The following SIK3 variants were observed in gnomAD, a reference collection of about 807,000 sequenced individuals.
The protein encoded by SIK3 is SIK family kinase 3.
SIK3 carries 28 observed loss-of-function variants against 144.2 expected under a neutral mutation model. The ratio of observed to expected loss-of-function variants is 0.19; its 90% CI spans 0.14 to 0.27. SIK3 has a LOEUF of 0.27. SIK3 is among the 10% of genes least tolerant of loss of function. The pLI is 1.00. For missense variants in SIK3, 1,319 were observed against 1,776.0 expected, an observed-to-expected ratio of 0.74 and a Z score of 4.62; for synonymous variants, 686 against 676.3, an observed-to-expected ratio of 1.01 and a Z score of -0.22.
intron 13 of SIK3, among the ~76,000 whole-genome samples, chr11:116,872,197 G>A (rs1211120566): frequency 6.6e-6 from 1 of 152,202 alleles, no homozygotes; most frequent in African/African-American, 2.4e-5. Flanking sequence ...GAAGTCAACA[G>A]TGATTAATAC....
rs1591399762 is a variant in SIK3 at position 116,861,893 on chromosome 11, G to A, written c.2263C>T (p.Leu755Phe). Reference protein sequence around the residue: ...SICPPQPSPPLQAACENQPAL... With the variant: ...SICPPQPSPPFQAACENQPAL... ...GGCTGATTTTCACATGCAGCCTGAA[G>A]AGGTGGAGATGGCTGAGGAGGACAG... Residue 755 changes from leucine (L) to phenylalanine (F), a missense_variant, in exon 18 of 25, where the codon CTT becomes TTT. Leu to Phe is a conservative substitution (Grantham distance 22). Around this residue, in one of 8 missense-constraint regions of SIK3, gnomAD observed 77 missense variants for 141.9 expected, o/e 0.54. Coordinates refer to ENST00000445177, the MANE Select transcript of SIK3 (RefSeq NM_001366686.3). 1 of 1,612,132 alleles carries A rather than the reference G, an allele frequency of 6.2e-7. No homozygotes were observed. Among genetic ancestry groups the A allele is most frequent in the East Asian group, 2.2e-5 (1 of 44,868 alleles).
At chr11:116,930,765 C>A (rs1320616968) in intron 3 of SIK3, among the ~76,000 whole-genome samples, 4 of 151,946 alleles carry the variant, frequency 2.6e-5, no homozygotes, top group Non-Finnish European at 5.9e-5. Flanking sequence ...TAGAGTCCTG[C>A]CCCCTCCCCA....
At chr11:117,071,035 C>A (rs1954256446) in intron 1 of SIK3, among the ~76,000 whole-genome samples, 1 of 151,870 alleles carries the variant, frequency 6.6e-6, no homozygotes, top group Admixed American at 6.6e-5. Context: ...AGCCCAATAC[C>A]ATTTCAAAAA....
intron 4 of SIK3, among the ~76,000 whole-genome samples, chr11:116,920,390 TG>T (rs1253709828): frequency 6.6e-6 from 1 of 152,176 alleles, no homozygotes; most frequent in Non-Finnish European, 1.5e-5. Context: ...CTCAGGCCTT[TG>T]CATTGTTCTT....
intron 13 of SIK3, among the ~76,000 whole-genome samples, chr11:116,870,796 G>A (rs1036155196): frequency 6.6e-6 from 1 of 152,174 alleles, no homozygotes; most frequent in African/African-American, 2.4e-5. Flanking sequence ...ATTAAGGAAG[G>A]CATCCTGGAG....
intron 1 of SIK3, among the ~76,000 whole-genome samples, chr11:116,982,961 AAAAAAAAAT>A (rs1243033103): frequency 1.3e-4 from 20 of 150,638 alleles, no homozygotes; most frequent in Non-Finnish European, 2.4e-4. Context: ...AAAAAAAAAA[AAAAAAAAAT>A]TTCTGACCCG....
chr11:116,867,435 G>C lies in SIK3; in HGVS notation c.1952+511C>G, dbSNP rs895865682. Reference sequence around the variant, plus strand: ...AAAAGATTTTTGCCATCAGAATATTGAAAGAATGACCTCTTAAATACATCG... The same window carrying C: ...AAAAGATTTTTGCCATCAGAATATTCAAAGAATGACCTCTTAAATACATCG... On this transcript the variant is annotated intron_variant, in intron 15 of 24. Transcript: ENST00000445177. The surrounding 1 kb of genome is among the most constrained non-coding windows in gnomAD (Gnocchi z 4.1). 3.3e-5 allele frequency among the ~76,000 whole-genome samples: 5 copies of C among 152,152 alleles called. No homozygotes were observed. The East Asian group carries it at 9.6e-4, about 29-fold the overall frequency.
chr11:117,008,311 T>C (rs1444373019), intron 1 of SIK3, among the ~76,000 whole-genome samples: 2 of 152,124 alleles, frequency 1.3e-5, no homozygotes, highest in Non-Finnish European at 2.9e-5. Context: ...ATGGGTAATA[T>C]TATTCCATTT....
chr11:116,869,704 T>G (rs762704343), intron 14 of SIK3: 10 of 157,772 alleles, frequency 6.3e-5, no homozygotes, highest in Non-Finnish European at 9.8e-5. Context: ...CTAACGGAAC[T>G]GAGGCCAAAT....
intron 4 of SIK3, among the ~76,000 whole-genome samples, chr11:116,922,824 A>T (rs1947061269): frequency 6.6e-6 from 1 of 150,946 alleles, no homozygotes; most frequent in Non-Finnish European, 1.5e-5. Flanking sequence ...GAGTTTTATT[A>T]GTTCCAAGTT....
intron 1 of SIK3, among the ~76,000 whole-genome samples, chr11:117,040,408 T>C (rs140831467): frequency 6.4e-4 from 98 of 152,312 alleles, no homozygotes; most frequent in African/African-American, 2.0e-3. Context: ...TACTAGGCAA[T>C]AGCTAAGCTA....
chr11:117,046,905 C>T (rs933289521), intron 1 of SIK3, among the ~76,000 whole-genome samples: 17 of 151,886 alleles, frequency 1.1e-4, no homozygotes, highest in African/African-American at 3.9e-4. Flanking sequence ...AACAAAAAAC[C>T]CTACTGTATC....
intron 6 of SIK3, among the ~76,000 whole-genome samples, chr11:116,892,637 G>A (rs1945189888): frequency 6.6e-6 from 1 of 152,210 alleles, no homozygotes; most frequent in Non-Finnish European, 1.5e-5. Context: ...AAATAGCATA[G>A]CCACTTTGGA....
chr11:117,046,020 T>C (rs1197018011), intron 1 of SIK3, among the ~76,000 whole-genome samples: 1 of 152,248 alleles, frequency 6.6e-6, no homozygotes, highest in Non-Finnish European at 1.5e-5. Context: ...TAATGTTTTT[T>C]ATGATCACAT....
intron 1 of SIK3, among the ~76,000 whole-genome samples, chr11:117,097,025 G>T (rs375894089): frequency 6.6e-6 from 1 of 152,094 alleles, no homozygotes; most frequent in African/African-American, 2.4e-5. Flanking sequence ...GTAAGATATT[G>T]AGCAAAGAAA....
intron 1 of SIK3, among the ~76,000 whole-genome samples, chr11:117,072,683 A>G (rs982445248): frequency 2.0e-5 from 3 of 152,192 alleles, no homozygotes; most frequent in African/African-American, 7.2e-5. Context: ...GTGTAATCAA[A>G]TGGCTGAGGC....
intron 1 of SIK3, among the ~76,000 whole-genome samples, chr11:117,093,671 T>TAA (rs200833598): frequency 0.037 from 5,047 of 136,380 alleles, 285 homozygotes; most frequent in African/African-American, 0.13. Flanking sequence ...CATTGCTATT[T>TAA]AAAAAAAAAA....
chr11:117,078,630 T>C (rs938239629), intron 1 of SIK3, among the ~76,000 whole-genome samples: 1 of 152,092 alleles, frequency 6.6e-6, no homozygotes, highest in African/African-American at 2.4e-5. Flanking sequence ...CTCAAACTCC[T>C]GACCTCAGGC....
chr11:116,983,330 G>A (rs1049805065), intron 1 of SIK3, among the ~76,000 whole-genome samples: 51 of 151,426 alleles, frequency 3.4e-4, no homozygotes, highest in Middle Eastern at 3.4e-3. Context: ...TCAGGAGTTC[G>A]AGACAAGCCT....
Sources: allele counts gnomAD v4.1 joint callset (sites outside exome capture counted in the v4.1 genomes callset), GRCh38; gene constraint gnomAD v4.1.1; regional missense constraint gnomAD v4.1.1; non-coding constraint Gnocchi (gnomAD v3.1); transcripts MANE v1.5; gene names NCBI Gene and HGNC (gene_info 2026-07-23, HGNC 2026-07-21).